Variants in CSMD3 observed in about 807,000 individuals in gnomAD.
The protein encoded by CSMD3 is CUB and sushi domain-containing protein 3.
A neutral mutation model predicts 435.2 loss-of-function variants in CSMD3; 177 were observed. The observed-to-expected ratio is 0.41, with a 90% CI of 0.36 to 0.46. CSMD3 has a LOEUF of 0.46. Ranked by LOEUF, CSMD3 falls within the 20% of genes least tolerant of loss-of-function variation. The probability of loss-of-function intolerance (pLI) is 0.34; values close to 1 mark genes in which losing one functional copy is unlikely to be tolerated. For missense variants in CSMD3, 4,265 were observed against 4,504.6 expected (o/e 0.95, Z 1.52); for synonymous variants, 1,656 against 1,520.5 (o/e 1.09, Z -2.07).
chr8:112,703,132 T>C (rs2076425704), intron 13 of CSMD3, among the ~76,000 whole-genome samples: 1 of 152,202 alleles, frequency 6.6e-6, no homozygotes, highest in Non-Finnish European at 1.5e-5. Flanking sequence ...CTTTAATACA[T>C]GTTGCCTCCA....
intron 4 of CSMD3, among the ~76,000 whole-genome samples, chr8:113,139,980 T>C (rs1193835546): frequency 6.6e-6 from 1 of 151,094 alleles, no homozygotes; most frequent in African/African-American, 2.4e-5. Flanking sequence ...GGGTTTATTA[T>C]GGTGCAAATG....
chr8:113,428,660 A>T (rs1327810314), intron 1 of CSMD3, among the ~76,000 whole-genome samples: 2 of 151,916 alleles, frequency 1.3e-5, no homozygotes, highest in Non-Finnish European at 3.0e-5. Context: ...ATGAAAAGAC[A>T]CAACAAAGAA....
At chr8:112,321,185 CTACT>C (rs1268933461) in intron 45 of CSMD3, among the ~76,000 whole-genome samples, 2 of 151,910 alleles carry the variant, frequency 1.3e-5, no homozygotes, top group East Asian at 1.9e-4. Context: ...CCTATTTTTA[CTACT>C]TAAACTTAGA....
chr8:112,774,047 T>C (rs1417423661), intron 13 of CSMD3, among the ~76,000 whole-genome samples: 27 of 152,134 alleles, frequency 1.8e-4, no homozygotes, highest in Admixed American at 1.8e-3. Context: ...TTAATTCAAA[T>C]AAAAGAGAAC....
chr8:112,786,420 T>G (rs1490420217), intron 13 of CSMD3, among the ~76,000 whole-genome samples: 1 of 152,022 alleles, frequency 6.6e-6, no homozygotes, highest in Non-Finnish European at 1.5e-5. Context: ...AAGGGACAAA[T>G]GAAATTATGT....
intron 32 of CSMD3, among the ~76,000 whole-genome samples, chr8:112,468,344 T>C (rs1327217129): frequency 6.6e-6 from 1 of 151,708 alleles, no homozygotes; most frequent in Non-Finnish European, 1.5e-5. Flanking sequence ...CAGTATCTGC[T>C]GGAGTAAGAG....
At chr8:113,419,703 T>C (rs2094600415) in intron 1 of CSMD3, among the ~76,000 whole-genome samples, 1 of 152,170 alleles carries the variant, frequency 6.6e-6, no homozygotes, top group South Asian at 2.1e-4. Flanking sequence ...TTCACCATTG[T>C]TGTCTAATTC....
chr8:112,525,784 G>GTGTATA (rs1824848143), intron 27 of CSMD3, among the ~76,000 whole-genome samples: 1 of 129,466 alleles, frequency 7.7e-6, no homozygotes. Context: ...ATATGTGTGT[G>GTGTATA]TATATATATA....
chr8:112,424,022 T>C (rs912072253), intron 32 of CSMD3, among the ~76,000 whole-genome samples: 1 of 152,194 alleles, frequency 6.6e-6, no homozygotes, highest in African/African-American at 2.4e-5. Flanking sequence ...ATTTTATTCA[T>C]AGAATTCTAT....
At chr8:113,170,309 T>G (rs959471211) in intron 4 of CSMD3, among the ~76,000 whole-genome samples, 2 of 152,108 alleles carry the variant, frequency 1.3e-5, no homozygotes, top group Non-Finnish European at 2.9e-5. Flanking sequence ...AATTGGTTAG[T>G]GAGAGATAAA....
chr8:113,328,042 G>A (rs997972462), intron 1 of CSMD3, among the ~76,000 whole-genome samples: 16 of 151,908 alleles, frequency 1.1e-4, no homozygotes, highest in Admixed American at 7.9e-4. Context: ...CTTGTAAATT[G>A]TTATAATGTT....
chr8:113,236,454 G>A (rs1225914649), intron 3 of CSMD3, among the ~76,000 whole-genome samples: 1 of 152,138 alleles, frequency 6.6e-6, no homozygotes, highest in Non-Finnish European at 1.5e-5. Flanking sequence ...AATAAGCTGC[G>A]GGGCTGAATA....
At chr8:112,244,796 T>A (rs1814545836) in intron 64 of CSMD3, among the ~76,000 whole-genome samples, 1 of 152,000 alleles carries the variant, frequency 6.6e-6, no homozygotes, top group African/African-American at 2.4e-5. Context: ...TAGTAGATGT[T>A]AATAGATGTT....
intron 28 of CSMD3, among the ~76,000 whole-genome samples, chr8:112,507,910 G>T (rs1258345360): frequency 1.3e-5 from 2 of 151,926 alleles, no homozygotes; most frequent in African/African-American, 4.8e-5. Flanking sequence ...ATATCTAGTT[G>T]CTCAGACTTA....
At chr8:112,412,953 G>A (rs1472018857) in intron 32 of CSMD3, among the ~76,000 whole-genome samples, 1 of 152,132 alleles carries the variant, frequency 6.6e-6, no homozygotes, top group East Asian at 1.9e-4. Context: ...GGAACTTTGG[G>A]TACATATTTC....
chr8:112,884,897 T>G (rs1325048610), intron 10 of CSMD3, among the ~76,000 whole-genome samples: 4 of 151,694 alleles, frequency 2.6e-5, no homozygotes, highest in Non-Finnish European at 5.9e-5. Context: ...TTAAATACCT[T>G]TTTTTTCCAG....
chr8:113,366,918 T>C (rs991282981), intron 1 of CSMD3, among the ~76,000 whole-genome samples: 1 of 152,078 alleles, frequency 6.6e-6, no homozygotes, highest in African/African-American at 2.4e-5. Flanking sequence ...CTCTTTTCTC[T>C]ATAGTATTTA....
At position 112,724,414 on chromosome 8, in the gene CSMD3, G is replaced by A. The variant is rs76785008; in HGVS notation, c.1973-34364C>T. Among the ~76,000 whole-genome samples the A allele has an allele frequency of 6.8e-3, 1,027 of 152,124 alleles. 34 individuals carry two copies. The East Asian group carries it at 0.12, about 18-fold the overall frequency. ...ATTGAATTCCAGACATGTTTTCAAAGTGAAGCCAAAATAATTTGCTAATAA... is the reference window on the plus strand; with the variant it reads ...ATTGAATTCCAGACATGTTTTCAAAATGAAGCCAAAATAATTTGCTAATAA... On this transcript the variant is annotated intron_variant, in intron 13 of 70. Coordinates refer to ENST00000297405, the MANE Select transcript of CSMD3 (RefSeq NM_198123.2).
chr8:113,377,961 A>G (rs2094396448), intron 1 of CSMD3, among the ~76,000 whole-genome samples: 1 of 152,194 alleles, frequency 6.6e-6, no homozygotes, highest in Middle Eastern at 3.2e-3. Flanking sequence ...TGGTCATATA[A>G]GTTTGGATTT....
Sources: allele counts gnomAD v4.1 joint callset (sites outside exome capture counted in the v4.1 genomes callset), GRCh38; gene constraint gnomAD v4.1.1; transcripts MANE v1.5; gene names NCBI Gene and HGNC (gene_info 2026-07-23, HGNC 2026-07-21).